LRP1B: variants seen among roughly 807,000 people sequenced by gnomAD.
LRP1B encodes low-density lipoprotein receptor-related protein 1B.
In LRP1B, 217 loss-of-function variants were observed where a neutral mutation model predicts 556.6. The observed-to-expected ratio is 0.39, with a 90% CI of 0.35 to 0.44. The LOEUF is 0.44. Ranked by LOEUF, LRP1B falls within the 20% of genes least tolerant of loss-of-function variation. The pLI is 1.00. For missense variants in LRP1B, 5,053 were observed against 5,620.8 expected (o/e 0.90, Z 3.23); for synonymous variants, 2,047 against 1,865.8 (o/e 1.10, Z -2.50).
rs573018146 is a variant in LRP1B, at chr2:141,374,553, G to A, written c.343+105843C>T. On this transcript the variant is annotated intron_variant, in intron 3 of 90. Transcript: ENST00000389484. ...TTTATGTGGTTTCTGGTGTCTTGAA[G>A]GCTTCATTCATTCTATTTTATCCTT... is the stretch of plus-strand genomic sequence containing the variant. 3.3e-5 allele frequency among the ~76,000 whole-genome samples: 5 copies of A among 152,160 alleles called. No individual in the cohort carries two copies. The South Asian group carries it at 1.0e-3, about 32-fold the overall frequency.
chr2:140,583,164 TTTTTTTC>T lies in LRP1B; in HGVS notation c.7194+15460_7194+15466del, dbSNP rs1209739207. Among the ~76,000 whole-genome samples, 22 of 46,630 alleles carry T rather than the reference TTTTTTTC, an allele frequency of 4.7e-4. 1 individual carries two copies. Among genetic ancestry groups the T allele is most frequent in the Admixed American group, 1.1e-3 (4 of 3,540 alleles). The allele number at this position is 46,630 out of a possible 152,430, so 30.6% of individuals were successfully genotyped here. On this transcript the variant is annotated intron_variant, in intron 43 of 90. Transcript: ENST00000389484. ...AAAGTTTCTATTGACAGTTTCTCCTTTTTTTTCTTTTTTTTTTTTTTTTTTTTTTGAG... is the reference window on the plus strand; with the variant it reads ...AAAGTTTCTATTGACAGTTTCTCCTTTTTTTTTTTTTTTTTTTTTTTTGAG...
chr2:140,798,902 T>A (rs898036316), intron 32 of LRP1B, among the ~76,000 whole-genome samples: 4 of 152,120 alleles, frequency 2.6e-5, no homozygotes, highest in African/African-American at 9.7e-5. Context: ...TCAGAGGTAA[T>A]ACAGTCGCAT....
chr2:141,133,091 A>G (rs969911275), intron 7 of LRP1B, among the ~76,000 whole-genome samples: 4 of 152,040 alleles, frequency 2.6e-5, no homozygotes, highest in African/African-American at 4.8e-5. Flanking sequence ...TGTATCACCA[A>G]CTTTGAACCC....
intron 2 of LRP1B, among the ~76,000 whole-genome samples, chr2:141,553,671 A>G (rs1238798039): frequency 1.4e-5 from 2 of 145,116 alleles, no homozygotes; most frequent in Non-Finnish European, 3.0e-5. Context: ...TATATAACAT[A>G]TAGATATATA....
intron 86 of LRP1B, among the ~76,000 whole-genome samples, chr2:140,261,331 A>T (rs1193828073): frequency 6.6e-6 from 1 of 151,818 alleles, no homozygotes; most frequent in Non-Finnish European, 1.5e-5. Flanking sequence ...GTCCAAATCC[A>T]TTATTTTACA....
chr2:141,260,317 T>G (rs1684637305), intron 3 of LRP1B, among the ~76,000 whole-genome samples: 1 of 152,188 alleles, frequency 6.6e-6, no homozygotes, highest in Non-Finnish European at 1.5e-5. Flanking sequence ...GACAAATAAT[T>G]TTTATGAAAT....
At chr2:141,695,430 C>T (rs565767729) in intron 2 of LRP1B, among the ~76,000 whole-genome samples, 1 of 152,044 alleles carries the variant, frequency 6.6e-6, no homozygotes, top group South Asian at 2.1e-4. Context: ...TCATAAGGTG[C>T]TGTAACAAGT....
At chr2:141,903,168 T>C (rs1699670001) in intron 1 of LRP1B, among the ~76,000 whole-genome samples, 1 of 151,736 alleles carries the variant, frequency 6.6e-6, no homozygotes, top group Non-Finnish European at 1.5e-5. Context: ...ACTACTTTAA[T>C]GATACATTTT....
At chr2:142,051,457 A>G (rs1252562089) in intron 1 of LRP1B, among the ~76,000 whole-genome samples, 2 of 132,922 alleles carry the variant, frequency 1.5e-5, no homozygotes, top group Non-Finnish European at 3.3e-5. Flanking sequence ...GCATAATTAA[A>G]GGTGTGTTTT....
intron 2 of LRP1B, among the ~76,000 whole-genome samples, chr2:141,722,100 G>A (rs1375325625): frequency 3.3e-5 from 5 of 152,100 alleles, no homozygotes; most frequent in African/African-American, 4.8e-5. Flanking sequence ...GTCTGAGGGC[G>A]GGCATGGTGG....
intron 2 of LRP1B, among the ~76,000 whole-genome samples, chr2:141,697,183 G>A (rs1231412134): frequency 6.6e-6 from 1 of 151,762 alleles, no homozygotes; most frequent in Non-Finnish European, 1.5e-5. Context: ...TGATAAAACA[G>A]CCGTTTCTTC....
intron 3 of LRP1B, among the ~76,000 whole-genome samples, chr2:141,448,368 T>G (rs1216172052): frequency 6.6e-6 from 1 of 152,176 alleles, no homozygotes; most frequent in East Asian, 1.9e-4. Flanking sequence ...GGGTGGGATC[T>G]GCTGAGCAAG....
intron 2 of LRP1B, among the ~76,000 whole-genome samples, chr2:141,555,980 C>T (rs1366286782): frequency 6.6e-6 from 1 of 151,602 alleles, no homozygotes; most frequent in East Asian, 1.9e-4. Context: ...GAAGACTTTC[C>T]GTTTTCTGTT....
intron 2 of LRP1B, among the ~76,000 whole-genome samples, chr2:141,631,239 C>G (rs564947533): frequency 1.9e-4 from 29 of 152,198 alleles, no homozygotes; most frequent in African/African-American, 6.7e-4. Context: ...ATCATGAGAA[C>G]AGCATGAGGG....
At chr2:140,743,304 T>C (rs552116262) in intron 35 of LRP1B, among the ~76,000 whole-genome samples, 1 of 152,216 alleles carries the variant, frequency 6.6e-6, no homozygotes, top group Non-Finnish European at 1.5e-5. Context: ...GGAAACAACA[T>C]AAAAATGCTT....
intron 1 of LRP1B, among the ~76,000 whole-genome samples, chr2:141,928,482 T>C (rs1700398157): frequency 6.6e-6 from 1 of 152,158 alleles, no homozygotes; most frequent in African/African-American, 2.4e-5. Context: ...GAATACTGTA[T>C]ATTTTGTAAT....
chr2:140,765,114 C>A (rs1177849790), intron 35 of LRP1B, among the ~76,000 whole-genome samples: 1 of 152,064 alleles, frequency 6.6e-6, no homozygotes, highest in Non-Finnish European at 1.5e-5. Flanking sequence ...CAGGTATGAG[C>A]CATTGCAGCT....
chr2:141,226,815 C>G (rs1683268134), intron 6 of LRP1B, among the ~76,000 whole-genome samples: 1 of 152,126 alleles, frequency 6.6e-6, no homozygotes, highest in Non-Finnish European at 1.5e-5. Flanking sequence ...GCATGGCTTA[C>G]AAGCAATGAC....
chr2:140,343,635 C>T (rs1243986654), intron 77 of LRP1B, among the ~76,000 whole-genome samples: 1 of 151,600 alleles, frequency 6.6e-6, no homozygotes, highest in Non-Finnish European at 1.5e-5. Flanking sequence ...GCAGAAATGA[C>T]TTTTTATGGT....
Sources: gnomAD v4.1 joint callset for allele counts (sites outside exome capture counted in the v4.1 genomes callset) on GRCh38, gnomAD v4.1.1 for gene constraint, MANE v1.5 for transcripts, NCBI Gene and HGNC (gene_info 2026-07-23, HGNC 2026-07-21) for gene names.